The following PIEZO2 variants were observed in gnomAD, a reference collection of about 807,000 sequenced individuals.
The protein encoded by PIEZO2 is piezo-type mechanosensitive ion channel component 2.
Under a neutral mutation model 337.3 loss-of-function variants are expected in PIEZO2, and 172 were observed. The ratio of observed to expected loss-of-function variants is 0.51; its 90% CI spans 0.45 to 0.58. The LOEUF is 0.58. Among genes scored for constraint, PIEZO2 ranks in the 20% least tolerant of loss-of-function variants. The pLI, the probability that PIEZO2 is intolerant of heterozygous loss-of-function variation, is 0.00. For synonymous variants in PIEZO2, 1,251 were observed against 1,228.5 expected, an observed-to-expected ratio of 1.02 and a Z score of -0.38; for missense variants, 3,028 against 3,391.3, an observed-to-expected ratio of 0.89 and a Z score of 2.66.
rs114147226 is a variant in PIEZO2 at position 11,132,250 on chromosome 18, G to T, written c.64+16275C>A. 4.4e-3 allele frequency among the ~76,000 whole-genome samples: 670 copies of T among 152,244 alleles called. 2 individuals are homozygous for T. The highest frequency in any genetic ancestry group is 0.015 in the African/African-American group (632 of 41,540). ...ACAGAATGCCTTATCCACCAACATGGTATTCCACACCGCATTGCCTCTGAC... is the reference window on the plus strand; with the variant it reads ...ACAGAATGCCTTATCCACCAACATGTTATTCCACACCGCATTGCCTCTGAC... On this transcript the variant is annotated intron_variant, in intron 1 of 55. Transcript: ENST00000674853. The surrounding 1 kb of genome is among the most constrained non-coding windows in gnomAD (Gnocchi z 4.7).
At chr18:10,718,927 C>T (rs893841860) in intron 36 of PIEZO2, among the ~76,000 whole-genome samples, 2 of 151,284 alleles carry the variant, frequency 1.3e-5, no homozygotes, top group East Asian at 1.9e-4. Context: ...ACCTGGGAGC[C>T]GTGATTGTGC....
chr18:10,922,459 C>A (rs1384909672), intron 3 of PIEZO2, among the ~76,000 whole-genome samples: 2 of 152,078 alleles, frequency 1.3e-5, no homozygotes, highest in Admixed American at 6.6e-5. Context: ...CAAGGTGGCC[C>A]TTTAGTGCAA....
At position 10,886,343 on chromosome 18, in the gene PIEZO2, T is replaced by TATATATAC. The variant is rs561758653; in HGVS notation, c.330-14929_330-14928insGTATATAT. Among the ~76,000 whole-genome samples, 13 of 23,710 alleles carry TATATATAC rather than the reference T, an allele frequency of 5.5e-4. 1 individual carries two copies. Among genetic ancestry groups the TATATATAC allele is most frequent in the South Asian group, 4.0e-3 (1 of 248 alleles). The allele number at this position is 23,710 out of a possible 152,430, so 15.6% of individuals were successfully genotyped here. On this transcript the variant is annotated intron_variant, in intron 4 of 55. Coordinates refer to ENST00000674853, the MANE Select transcript of PIEZO2 (RefSeq NM_001378183.1). ...ACATACATATATATATATATATATA[T>TATATATAC]ACACACACACACACACACATATATA... is the stretch of plus-strand genomic sequence containing the variant.
At position 10,953,543 on chromosome 18, in the gene PIEZO2, G is replaced by A. The variant is rs909647945; in HGVS notation, c.286+25992C>T. On this transcript the variant is annotated intron_variant, in intron 3 of 55. Coordinates refer to ENST00000674853, the MANE Select transcript of PIEZO2 (RefSeq NM_001378183.1). This position sits in a 1 kb window ranked among gnomAD's most constrained non-coding sequence, Gnocchi z 5.2. ...TATCTCTATGGAAAATCAAGTGGCC[G>A]TGCACATACATGTGGGTCTATTTCT... 1.3e-4 allele frequency among the ~76,000 whole-genome samples: 20 copies of A among 152,090 alleles called. No individual in the cohort carries two copies. The South Asian group carries it at 2.7e-3, about 21-fold the overall frequency.
In PIEZO2 at chr18:11,078,692, C is replaced by T. The variant is rs554604000; in HGVS notation, c.65-12470G>A. 1.6e-4 allele frequency among the ~76,000 whole-genome samples: 24 copies of T among 152,284 alleles called. No homozygotes were observed. In the East Asian group the frequency reaches 3.3e-3, roughly 21 times the overall value. On this transcript the variant is annotated intron_variant, in intron 1 of 55. Coordinates refer to ENST00000674853, the MANE Select transcript of PIEZO2 (RefSeq NM_001378183.1). This position sits in a 1 kb window ranked among gnomAD's most constrained non-coding sequence, Gnocchi z 5.3. ...TGATACCATACTAATGAGACACATG[C>T]GGCCTCTGACCACAGTGTGAAAACC...
rs994303565 is a variant in PIEZO2 at position 11,038,719 on chromosome 18, C to T, written c.160+27408G>A. ...TTGGGTAAATTATGTATCTTCTCAACATTTCAATTTCTGCATTGATTAAAT... is the reference window on the plus strand; with the variant it reads ...TTGGGTAAATTATGTATCTTCTCAATATTTCAATTTCTGCATTGATTAAAT... On this transcript the variant is annotated intron_variant, in intron 2 of 55. Transcript: ENST00000674853. This position sits in a 1 kb window ranked among gnomAD's most constrained non-coding sequence, Gnocchi z 4.1. Among the ~76,000 whole-genome samples the T allele has an allele frequency of 6.6e-6, 1 of 152,198 alleles. No individual in the cohort carries two copies. The highest frequency in any genetic ancestry group is 6.5e-5 in the Admixed American group (1 of 15,282).
rs185828747 is a variant in PIEZO2, at chr18:11,105,753, G to A, written c.65-39531C>T. On this transcript the variant is annotated intron_variant, in intron 1 of 55. Transcript: ENST00000674853. The surrounding 1 kb of genome is among the most constrained non-coding windows in gnomAD (Gnocchi z 4.3). ...GCTTGAGGCTTGACTGTAAAGCTCC[G>A]TAACCATATAAAAGTTATATTATAA... 1.6e-4 allele frequency among the ~76,000 whole-genome samples: 24 copies of A among 152,182 alleles called. No individual in the cohort carries two copies. The East Asian group carries it at 4.7e-3, about 30-fold the overall frequency.
intron 35 of PIEZO2, among the ~76,000 whole-genome samples, 83 bp downstream of exon 35, chr18:10,735,149 G>C (rs1272021998): frequency 1.3e-5 from 2 of 152,126 alleles, no homozygotes; most frequent in Non-Finnish European, 2.9e-5. Context: ...AGAAAATGCA[G>C]AGATAGGGCA....
intron 32 of PIEZO2, among the ~76,000 whole-genome samples, chr18:10,741,644 T>C (rs1465268842): frequency 6.6e-6 from 1 of 152,198 alleles, no homozygotes; most frequent in Non-Finnish European, 1.5e-5. Flanking sequence ...TAAAAGATCC[T>C]TTAAACTTTA....
chr18:10,801,529 T>C lies in PIEZO2; in HGVS notation c.1201-101A>G. 3 of 1,056,956 alleles carry C rather than the reference T, an allele frequency of 2.8e-6. No homozygotes were observed. In the South Asian group the frequency reaches 4.3e-5, roughly 15 times the overall value. The allele number at this position is 1,056,956 out of a possible 1,614,324, so 65.5% of individuals were successfully genotyped here. On this transcript the variant is annotated intron_variant, in intron 9 of 55. Coordinates refer to ENST00000674853, the MANE Select transcript of PIEZO2 (RefSeq NM_001378183.1). ...TTACTGTGCACAAGCCCATTCTCTTTAACTTGCTGATTGCTAGTATATTAA... is the reference window on the plus strand; with the variant it reads ...TTACTGTGCACAAGCCCATTCTCTTCAACTTGCTGATTGCTAGTATATTAA...
chr18:10,825,289 A>C (rs964329162), intron 7 of PIEZO2, among the ~76,000 whole-genome samples: 3 of 152,084 alleles, frequency 2.0e-5, no homozygotes, highest in Admixed American at 1.3e-4. Context: ...TGAGCTTCAC[A>C]GTTCTGAGTT....
At position 10,969,078 on chromosome 18, in the gene PIEZO2, G is replaced by A. The variant is rs577334633; in HGVS notation, c.286+10457C>T. Among the ~76,000 whole-genome samples, 14 of 152,266 alleles carry A rather than the reference G, an allele frequency of 9.2e-5. No individual in the cohort carries two copies. In the South Asian group the frequency reaches 2.9e-3, roughly 32 times the overall value. On this transcript the variant is annotated intron_variant, in intron 3 of 55. Transcript: ENST00000674853. This position sits in a 1 kb window ranked among gnomAD's most constrained non-coding sequence, Gnocchi z 4.5. ...TCATACAAATAATATTTTCTAGAAT[G>A]TCATTACTATGCTTAGCCCAATTCT...
intron 8 of PIEZO2, among the ~76,000 whole-genome samples, chr18:10,805,719 T>C (rs529918910): frequency 4.6e-5 from 7 of 152,334 alleles, no homozygotes; most frequent in Non-Finnish European, 8.8e-5. Context: ...TTTGTTACTA[T>C]ACAACTGTCA....
At chr18:10,771,798 T>C (rs956230767) in intron 20 of PIEZO2, among the ~76,000 whole-genome samples, 3 of 152,226 alleles carry the variant, frequency 2.0e-5, no homozygotes, top group Admixed American at 2.0e-4. Flanking sequence ...TCCCGCTCTG[T>C]CCTTCCCCTT....
At chr18:10,938,800 C>T (rs1163034147) in intron 3 of PIEZO2, among the ~76,000 whole-genome samples, 1 of 152,162 alleles carries the variant, frequency 6.6e-6, no homozygotes, top group African/African-American at 2.4e-5. Context: ...AGTAAGTTTA[C>T]ATTAGGCCGG....
chr18:10,958,697 A>C (rs928326680), intron 3 of PIEZO2, among the ~76,000 whole-genome samples: 1 of 152,304 alleles, frequency 6.6e-6, no homozygotes, highest in African/African-American at 2.4e-5. Context: ...AAACAACAAT[A>C]ATGCCTGTCA....
rs1017498270 is a variant in PIEZO2, at chr18:10,784,687, T to G, written c.2492+97A>C. 3 of 1,202,806 alleles carry G rather than the reference T, an allele frequency of 2.5e-6. No homozygotes were observed. The highest frequency in any genetic ancestry group is 3.3e-6 in the Non-Finnish European group (3 of 901,086). The allele number at this position is 1,202,806 out of a possible 1,614,324, so 74.5% of individuals were successfully genotyped here. On this transcript the variant is annotated intron_variant, in intron 17 of 55. Coordinates refer to ENST00000674853, the MANE Select transcript of PIEZO2 (RefSeq NM_001378183.1). The surrounding 1 kb of genome is among the most constrained non-coding windows in gnomAD (Gnocchi z 4.5). ...CATGGAAAATTCAAGGCTGAAACTT[T>G]TAGATTACTGGCTTCTCGCAAGGTG...
At chr18:11,006,579 C>G (rs2035728947) in intron 2 of PIEZO2, among the ~76,000 whole-genome samples, 1 of 152,168 alleles carries the variant, frequency 6.6e-6, no homozygotes. Flanking sequence ...GGTCTATTAG[C>G]TTTCCATTTA....
At chr18:11,050,534 C>T (rs1216457218) in intron 2 of PIEZO2, among the ~76,000 whole-genome samples, 2 of 149,046 alleles carry the variant, frequency 1.3e-5, no homozygotes, top group Non-Finnish European at 3.0e-5. Flanking sequence ...TACACACACA[C>T]ACACACACAC....
Sources: gnomAD v4.1 joint callset for allele counts (sites outside exome capture counted in the v4.1 genomes callset) on GRCh38, gnomAD v4.1.1 for gene constraint, Gnocchi (gnomAD v3.1) non-coding constraint, MANE v1.5 for transcripts, NCBI Gene and HGNC (gene_info 2026-07-23, HGNC 2026-07-21) for gene names.